Variants in ANKRD17 observed in about 807,000 individuals in gnomAD.
ANKRD17 encodes ankyrin repeat domain 17.
A neutral mutation model predicts 229.7 loss-of-function variants in ANKRD17; 19 were observed. The observed-to-expected ratio is 0.08, with a 90% CI of 0.06 to 0.12. ANKRD17 has a LOEUF of 0.12. ANKRD17 is among the 10% of genes least tolerant of loss of function. ANKRD17 has a pLI of 1.00. For missense variants in ANKRD17, 2,176 were observed against 3,176.8 expected (o/e 0.68, Z 7.57); for synonymous variants, 1,112 against 1,146.1 (o/e 0.97, Z 0.60).
At chr4:73,184,630 A>G (rs1736047570) in intron 1 of ANKRD17, among the ~76,000 whole-genome samples, 1 of 152,024 alleles carries the variant, frequency 6.6e-6, no homozygotes, top group African/African-American at 2.4e-5. Context: ...TACAAATTAC[A>G]TACTAAGTGC....
intron 1 of ANKRD17, among the ~76,000 whole-genome samples, chr4:73,196,857 T>A (rs1737954009): frequency 6.6e-6 from 1 of 152,220 alleles, no homozygotes; most frequent in Non-Finnish European, 1.5e-5. Flanking sequence ...AAAAGAATTA[T>A]AAAATCTGAT....
chr4:73,227,176 C>T (rs762861959), intron 1 of ANKRD17, among the ~76,000 whole-genome samples: 2 of 151,992 alleles, frequency 1.3e-5, no homozygotes, highest in East Asian at 1.9e-4. Flanking sequence ...ATTTTTGAGA[C>T]GGAGTCTTGC....
At chr4:73,188,121 G>C (rs142734754) in intron 1 of ANKRD17, among the ~76,000 whole-genome samples, 7 of 151,666 alleles carry the variant, frequency 4.6e-5, no homozygotes, top group Non-Finnish European at 1.0e-4. Flanking sequence ...CACATTCTTG[G>C]TCCATAAAGT....
At chr4:73,115,541 C>T (rs574195980) in intron 23 of ANKRD17, among the ~76,000 whole-genome samples, 4 of 152,218 alleles carry the variant, frequency 2.6e-5, no homozygotes, top group East Asian at 1.9e-4. Flanking sequence ...CCACCTGCCT[C>T]GGCCTCCCAA....
At chr4:73,186,635 C>T (rs148981274) in intron 1 of ANKRD17, among the ~76,000 whole-genome samples, 62 of 152,276 alleles carry the variant, frequency 4.1e-4, no homozygotes, top group African/African-American at 1.4e-3. Flanking sequence ...ATGCTTCAAA[C>T]TGCTATTTGC....
At chr4:73,182,126 A>T (rs764003355) in intron 1 of ANKRD17, among the ~76,000 whole-genome samples, 1 of 150,822 alleles carries the variant, frequency 6.6e-6, no homozygotes, top group Non-Finnish European at 1.5e-5. Context: ...ATTTTATTTG[A>T]ATGAAATATA....
intron 1 of ANKRD17, among the ~76,000 whole-genome samples, chr4:73,189,814 T>C (rs1237381012): frequency 1.3e-5 from 2 of 150,836 alleles, no homozygotes; most frequent in African/African-American, 2.4e-5. Context: ...TTCTTCTCCA[T>C]AAAAAAAAAT....
chr4:73,147,205 A>G (rs759939600), intron 9 of ANKRD17, 36 bp downstream of exon 9: 1 of 1,493,736 alleles, frequency 6.7e-7, no homozygotes, highest in Admixed American at 2.3e-5. Context: ...TAAACAAATC[A>G]TGTAAAAAAC....
intron 24 of ANKRD17, among the ~76,000 whole-genome samples, chr4:73,106,607 A>G (rs1181825504): frequency 2.6e-5 from 4 of 152,136 alleles, no homozygotes; most frequent in Non-Finnish European, 5.9e-5. Context: ...CGGGCTGGGC[A>G]CGGTGGCTCA....
chr4:73,090,520 A>G lies in ANKRD17; in HGVS notation c.6961+147T>C, dbSNP rs902074472. On this transcript the variant is annotated intron_variant, in intron 29 of 33. Transcript: ENST00000358602. ...AGATTTTTAAAAATAACACCATACT[A>G]AACACAAACAACAGCATCTGAGTTA... 12 of 1,002,566 alleles carry G rather than the reference A, an allele frequency of 1.2e-5. No individual in the cohort carries two copies. In the African/African-American group the frequency reaches 2.0e-4, roughly 16 times the overall value. 62.1% of individuals were successfully genotyped at this position (1,002,566 alleles called of 1,614,324 possible).
intron 1 of ANKRD17, among the ~76,000 whole-genome samples, chr4:73,195,903 C>T (rs1256818637): frequency 1.3e-5 from 2 of 151,926 alleles, no homozygotes; most frequent in African/African-American, 2.4e-5. Flanking sequence ...GGCAACATTA[C>T]ATTTTTTCAC....
intron 23 of ANKRD17, among the ~76,000 whole-genome samples, chr4:73,114,192 ATTGT>A (rs1725657608): frequency 6.6e-6 from 1 of 152,196 alleles, no homozygotes; most frequent in African/African-American, 2.4e-5. Context: ...AATATAAGAA[ATTGT>A]ACAGCAAACA....
intron 7 of ANKRD17, among the ~76,000 whole-genome samples, chr4:73,150,452 T>C (rs1730863637): frequency 1.3e-5 from 2 of 152,170 alleles, no homozygotes; most frequent in South Asian, 4.1e-4. Context: ...TTTATGCCCA[T>C]TATCTCATTT....
At chr4:73,233,117 G>A (rs750666044) in intron 1 of ANKRD17, among the ~76,000 whole-genome samples, 10 of 152,216 alleles carry the variant, frequency 6.6e-5, no homozygotes, top group East Asian at 3.9e-4. Flanking sequence ...CATAAGTCTT[G>A]TTACCCTCCT....
At chr4:73,120,127 T>C in intron 21 of ANKRD17, 35 bp downstream of exon 21, 1 of 1,589,588 alleles carries the variant, frequency 6.3e-7, no homozygotes. Context: ...TAGTAACACT[T>C]GTGTTCATAT....
chr4:73,160,470 C>T (rs1324666946), intron 3 of ANKRD17, among the ~76,000 whole-genome samples: 12 of 152,068 alleles, frequency 7.9e-5, no homozygotes, highest in Non-Finnish European at 2.9e-5. Context: ...CCGCCCGCCT[C>T]GGCCTCCAAA....
rs767186942 is a variant in ANKRD17, at chr4:73,091,220, A to G, written c.6408T>C (p.Thr2136=). The G allele has an allele frequency of 6.8e-6, 11 of 1,614,118 alleles. No individual in the cohort carries two copies. Among genetic ancestry groups the G allele is most frequent in the African/African-American group, 2.7e-5 (2 of 74,934 alleles). ...CAGAACTTGTTGCTAAAGGAGGAAC[A>G]GTCATTCTAACTTCCGGGGGAGGAA... is the stretch of plus-strand genomic sequence containing the variant. The part of the protein sequence containing the change: ...SQVPPPEVRM[T]VPPLATSSAP... Residue 2136 remains threonine, a synonymous_variant, in exon 29 of 34, where the codon ACT becomes ACC. Coordinates refer to ENST00000358602, the MANE Select transcript of ANKRD17 (RefSeq NM_032217.5).
intron 1 of ANKRD17, among the ~76,000 whole-genome samples, chr4:73,200,615 T>C (rs1738538670): frequency 6.6e-6 from 1 of 152,166 alleles, no homozygotes. Context: ...AGTAGTTTAT[T>C]ATATAAAGAT....
chr4:73,242,895 AG>A (rs1460192711), intron 1 of ANKRD17, among the ~76,000 whole-genome samples: 1 of 152,226 alleles, frequency 6.6e-6, no homozygotes, highest in African/African-American at 2.4e-5. Flanking sequence ...AAAAACCAAC[AG>A]GGCTCTTTCC....
Sources: gnomAD v4.1 joint callset for allele counts (sites outside exome capture counted in the v4.1 genomes callset) on GRCh38, gnomAD v4.1.1 for gene constraint, MANE v1.5 for transcripts, NCBI Gene and HGNC (gene_info 2026-07-23, HGNC 2026-07-21) for gene names.